Variants in PMFBP1 observed in about 807,000 individuals in gnomAD.
PMFBP1 encodes the protein polyamine-modulated factor 1-binding protein 1.
Under a neutral mutation model 137.8 loss-of-function variants are expected in PMFBP1, and 131 were observed. The ratio of observed to expected loss-of-function variants is 0.95; its 90% CI spans 0.82 to 1.10. The LOEUF (loss-of-function observed/expected upper bound fraction) is 1.10, where lower values mean the gene tolerates loss of function less well. PMFBP1 is among the 50% of genes least tolerant of loss of function. The pLI is 0.00. For synonymous variants in PMFBP1, 490 were observed against 450.4 expected (o/e 1.09, Z -1.11); for missense variants, 1,199 against 1,175.4 (o/e 1.02, Z -0.29).
At chr16:72,164,598 T>C in intron 3 of PMFBP1, 166 bp downstream of exon 3, 3 of 1,198,992 alleles carry the variant, frequency 2.5e-6, no homozygotes, top group Non-Finnish European at 3.5e-6. Context: ...TTTCCATGTG[T>C]ATGTGCGTTG....
chr16:72,221,761 T>C, the PMFBP1 span, among the ~76,000 whole-genome samples: 1 of 152,230 alleles, frequency 6.6e-6, no homozygotes, highest in Non-Finnish European at 1.5e-5. Flanking sequence ...CATTGAGACA[T>C]AAAATTGATG....
chr16:72,163,917 T>C (rs945701294), intron 3 of PMFBP1, among the ~76,000 whole-genome samples: 4 of 146,232 alleles, frequency 2.7e-5, no homozygotes, highest in African/African-American at 9.9e-5. Flanking sequence ...TTGGGGACTC[T>C]GTGGAAAGGG....
At chr16:72,182,822 G>C in the PMFBP1 span, among the ~76,000 whole-genome samples, 1 of 152,148 alleles carries the variant, frequency 6.6e-6, no homozygotes, top group Admixed American at 6.5e-5. Context: ...ATGGAGTTGC[G>C]CTGGGTTTTC....
chr16:72,239,429 T>C, the PMFBP1 span, among the ~76,000 whole-genome samples: 1 of 152,244 alleles, frequency 6.6e-6, no homozygotes, highest in African/African-American at 2.4e-5. Context: ...TTCTCTGCGA[T>C]GCTAAATAAA....
Position 72,164,440 on chromosome 16 carries a change from G to A in PMFBP1, c.165+324C>T, listed in dbSNP as rs116587276. Reference sequence around the variant, plus strand: ...AGTTTGTCTGAGATCCATAGCAGACGCTGCTCCCCTTGTATCACTATGATC... The same window carrying A: ...AGTTTGTCTGAGATCCATAGCAGACACTGCTCCCCTTGTATCACTATGATC... On this transcript the variant is annotated intron_variant, in intron 3 of 20. Transcript: ENST00000237353. 7.5e-4 allele frequency: 1,011 copies of A among 1,345,404 alleles called. 6 individuals are homozygous for A. The African/African-American group carries it at 0.014, about 18-fold the overall frequency. 83.3% of individuals were successfully genotyped at this position (1,345,404 alleles called of 1,614,324 possible).
the PMFBP1 span, among the ~76,000 whole-genome samples, chr16:72,184,654 C>T: frequency 3.3e-5 from 5 of 152,182 alleles, no homozygotes; most frequent in South Asian, 6.2e-4. Context: ...ACTCAAGTAG[C>T]CCAACTCTGG....
At chr16:72,139,490 AT>A in intron 6 of PMFBP1, 91 bp from the exon 7 acceptor site, 1 of 1,039,368 alleles carries the variant, frequency 9.6e-7, no homozygotes, top group Non-Finnish European at 1.5e-6. Context: ...TTTCTGCAGC[AT>A]AAGTTTGTTG....
rs936608270 is a variant in PMFBP1, at chr16:72,155,830, G to A, written c.166-1371C>T. ...TAGAACATTTCTATCAACCCCCCAC[G>A]TTTCCTCATGCCCATTTTCAGTCAC... On this transcript the variant is annotated intron_variant, in intron 3 of 20. Transcript: ENST00000237353. Among the ~76,000 whole-genome samples the A allele has an allele frequency of 9.2e-5, 14 of 151,866 alleles. 1 individual carries two copies. The highest frequency in any genetic ancestry group is 1.9e-4 in the East Asian group (1 of 5,198).
Position 72,139,323 on chromosome 16 carries a change from G to C in PMFBP1, c.884C>G (p.Pro295Arg), listed in dbSNP as rs1371417083. The part of the protein sequence containing the change: ...ASCTATHRYP[P>R]SSSEECEDIK... ...GTCTTCACACTCTTCTGAGGAGCTA[G>C]GAGGGTATCTGTGGGTGGCTGTACA... The change falls in exon 7 of 21, where the codon CCT (proline) becomes CGT (arginine). Residue 295 changes from proline to arginine, a missense_variant. Pro to Arg is a moderately radical substitution (Grantham distance 103, BLOSUM62 -2). Coordinates refer to ENST00000237353, the MANE Select transcript of PMFBP1 (RefSeq NM_031293.3). 4.3e-6 allele frequency: 7 copies of C among 1,614,050 alleles called. No homozygotes were observed. Among genetic ancestry groups the C allele is most frequent in the Non-Finnish European group, 5.9e-6 (7 of 1,179,906 alleles).
chr16:72,136,308 G>T, intron 9 of PMFBP1, 140 bp downstream of exon 9: 2 of 914,092 alleles, frequency 2.2e-6, no homozygotes, highest in Non-Finnish European at 1.7e-6. Flanking sequence ...TTGAGCCTGG[G>T]CCTGAAGAGC....
chr16:72,176,845 T>C (rs1377825220), upstream of PMFBP1: 2 of 152,242 alleles, frequency 1.3e-5, no homozygotes, highest in Non-Finnish European at 2.9e-5. Flanking sequence ...CTCCACTAGT[T>C]GCTTATACTC....
chr16:72,224,532 C>T, the PMFBP1 span: 1 of 152,444 alleles, frequency 6.6e-6, no homozygotes, highest in Non-Finnish European at 1.5e-5. Flanking sequence ...CCAACCCAAC[C>T]ACTCACTATT....
At chr16:72,209,694 A>C in the PMFBP1 span, among the ~76,000 whole-genome samples, 11 of 152,198 alleles carry the variant, frequency 7.2e-5, no homozygotes, top group African/African-American at 2.7e-4. Context: ...TATTAGTTTA[A>C]GCCCCATGGG....
At chr16:72,159,993 C>T (rs1306007428) in intron 3 of PMFBP1, among the ~76,000 whole-genome samples, 1 of 152,182 alleles carries the variant, frequency 6.6e-6, no homozygotes, top group Non-Finnish European at 1.5e-5. Flanking sequence ...GGTTTCTCAG[C>T]TGGATTTCTA....
intron 10 of PMFBP1, among the ~76,000 whole-genome samples, chr16:72,131,287 G>C (rs1254739559): frequency 6.6e-6 from 1 of 152,230 alleles, no homozygotes; most frequent in Non-Finnish European, 1.5e-5. Flanking sequence ...GGGAAGTGGG[G>C]AGGAATGGTG....
the PMFBP1 span, among the ~76,000 whole-genome samples, chr16:72,249,910 G>C: frequency 1.0e-5 from 1 of 99,156 alleles, no homozygotes; most frequent in South Asian, 3.8e-4. Flanking sequence ...GACACAGCGA[G>C]ACTCCATCGC....
At chr16:72,175,979 C>T (rs909963336), upstream of PMFBP1, among the ~76,000 whole-genome samples, 4 of 152,162 alleles carry the variant, frequency 2.6e-5, no homozygotes, top group Non-Finnish European at 5.9e-5. Context: ...AGAGAGTTCG[C>T]CTTTTTGAAT....
At chr16:72,195,627 T>C in the PMFBP1 span, among the ~76,000 whole-genome samples, 44 of 152,392 alleles carry the variant, frequency 2.9e-4, no homozygotes, top group African/African-American at 1.0e-3. Flanking sequence ...AAAACAGACC[T>C]GGACGTTATC....
Position 72,120,219 on chromosome 16 carries a change from G to A in PMFBP1, c.2769-130C>T, listed in dbSNP as rs192758409. 183 of 1,434,768 alleles carry A rather than the reference G, an allele frequency of 1.3e-4. 1 individual carries two copies. In the African/African-American group the frequency reaches 2.0e-3, roughly 16 times the overall value. The allele number at this position is 1,434,768 out of a possible 1,614,324, so 88.9% of individuals were successfully genotyped here. A position where few individuals can be genotyped will look rare whatever the true frequency, so the allele number is the denominator to read the frequency against. On this transcript the variant is annotated intron_variant, in intron 19 of 20. Transcript: ENST00000237353. ...GCCCAGGTCTGTTCAGAGCCGGCCT[G>A]TTACACATGCTCTGTAGAAATGGAA...
Sources: gnomAD v4.1 joint callset for allele counts (sites outside exome capture counted in the v4.1 genomes callset) on GRCh38, gnomAD v4.1.1 for gene constraint, MANE v1.5 for transcripts, NCBI Gene and HGNC (gene_info 2026-07-23, HGNC 2026-07-21) for gene names.